Variants in RAP1GAP2 observed in about 807,000 individuals in gnomAD.
RAP1GAP2 encodes RAP1 GTPase activating protein 2, also known as rap1 GTPase-activating protein 2.
Under a neutral mutation model 95.0 loss-of-function variants are expected in RAP1GAP2, and 27 were observed. That is an observed-to-expected ratio of 0.28 (90% CI 0.21 to 0.39). The LOEUF (loss-of-function observed/expected upper bound fraction) is 0.39, where lower values mean the gene tolerates loss of function less well. Among genes scored for constraint, RAP1GAP2 ranks in the 10% least tolerant of loss-of-function variants. The pLI is 1.00. For synonymous variants in RAP1GAP2, 373 were observed against 380.9 expected, an observed-to-expected ratio of 0.98 and a Z score of 0.24; for missense variants, 771 against 970.0, an observed-to-expected ratio of 0.79 and a Z score of 2.72.
rs567884772 is a variant in RAP1GAP2 at position 3,037,339 on chromosome 17, A to G, written c.*3978A>G. 1 of 124,462 alleles carries G rather than the reference A, an allele frequency of 8.0e-6. No individual in the cohort carries two copies. The highest frequency in any genetic ancestry group is 2.6e-4 in the East Asian group (1 of 3,918). 7.7% of individuals were successfully genotyped at this position (124,462 alleles called of 1,614,324 possible). On this transcript the variant is annotated 3_prime_UTR_variant, in exon 25 of 25. Coordinates refer to ENST00000254695, the MANE Select transcript of RAP1GAP2 (RefSeq NM_015085.5). The stretch of plus-strand genomic sequence containing the variant: ...AATTGCCATCGTCTTTGATTTTGTG[A>G]CATTTCTGCTTGGAAGTGTGAACTA...
Position 2,787,066 on chromosome 17 carries a change from C to T in RAP1GAP2, c.-14+9788C>T, listed in dbSNP as rs146076117. On this transcript the variant is annotated intron_variant, in intron 1 of 24. Coordinates refer to the RAP1GAP2 transcript ENST00000540393. ...CCCGGGTTCAAGCCATTCTCCTGCC[C>T]CAGCCTCCCAAATAGCTGGGGTTAT... Among the ~76,000 whole-genome samples the T allele has an allele frequency of 3.3e-3, 500 of 151,686 alleles. 2 individuals are homozygous for T. Among genetic ancestry groups the T allele is most frequent in the African/African-American group, 0.011 (466 of 41,382 alleles).
chr17:2,953,705 G>T (rs186767824), intron 3 of RAP1GAP2, among the ~76,000 whole-genome samples: 79 of 152,112 alleles, frequency 5.2e-4, no homozygotes, highest in African/African-American at 1.7e-3. Context: ...AAATTAGCTG[G>T]GCATGGGGGC....
intron 2 of RAP1GAP2, among the ~76,000 whole-genome samples, chr17:2,890,697 T>G (rs1193797253): frequency 6.6e-6 from 1 of 150,610 alleles, no homozygotes; most frequent in Non-Finnish European, 1.5e-5. Flanking sequence ...TTTTTTTTTT[T>G]TTTTTGAGAC....
chr17:2,860,664 C>T (rs908205445), intron 2 of RAP1GAP2, among the ~76,000 whole-genome samples: 1 of 132,952 alleles, frequency 7.5e-6, no homozygotes, highest in Non-Finnish European at 1.5e-5. Flanking sequence ...AGTGCAGTGG[C>T]GCGATCTCAG....
At chr17:2,921,716 C>A (rs1234798652) in intron 3 of RAP1GAP2, among the ~76,000 whole-genome samples, 2 of 54,764 alleles carry the variant, frequency 3.7e-5, no homozygotes, top group Non-Finnish European at 6.2e-5. Flanking sequence ...TATGTGTCCA[C>A]AGGGCCGTTA....
At chr17:2,882,655 A>G (rs1260144237) in intron 2 of RAP1GAP2, among the ~76,000 whole-genome samples, 2 of 152,104 alleles carry the variant, frequency 1.3e-5, no homozygotes, top group Non-Finnish European at 2.9e-5. Flanking sequence ...TTGGCTTTTC[A>G]TTTCAGCATG....
rs545067010 is a variant in RAP1GAP2, at chr17:2,933,493, G to T, written c.166-24266G>T. Among the ~76,000 whole-genome samples the T allele has an allele frequency of 2.0e-5, 3 of 152,352 alleles. No homozygotes were observed. The South Asian group carries it at 6.2e-4, about 32-fold the overall frequency. ...CTTGGAGCGAAGCAGAGATTTTCCG[G>T]GAGGCCAACACCTCCCTTTTCTCCC... On this transcript the variant is annotated intron_variant, in intron 3 of 24. Coordinates refer to ENST00000254695, the MANE Select transcript of RAP1GAP2 (RefSeq NM_015085.5).
chr17:2,969,723 C>T (rs576042418), intron 8 of RAP1GAP2, among the ~76,000 whole-genome samples: 6 of 151,740 alleles, frequency 4.0e-5, no homozygotes, highest in South Asian at 2.1e-4. Flanking sequence ...AGGCTTGTCC[C>T]GAACTCCTGA....
intron 1 of RAP1GAP2, among the ~76,000 whole-genome samples, chr17:2,781,543 C>T (rs1007256947): frequency 1.3e-5 from 2 of 149,466 alleles, no homozygotes; most frequent in South Asian, 2.1e-4. Flanking sequence ...TGTGTGAGCA[C>T]GTCTCTGTGT....
intron 1 of RAP1GAP2, among the ~76,000 whole-genome samples, chr17:2,762,767 C>T (rs1001372898): frequency 1.3e-5 from 2 of 151,818 alleles, no homozygotes; most frequent in Non-Finnish European, 2.9e-5. Context: ...CACTGGGTCT[C>T]GTCACTTCAA....
At chr17:2,792,988 C>T (rs905323170), upstream of RAP1GAP2, among the ~76,000 whole-genome samples, 3 of 152,162 alleles carry the variant, frequency 2.0e-5, no homozygotes, top group East Asian at 1.9e-4. Context: ...ATGCGGCGGG[C>T]AGCTTTCACA....
intron 8 of RAP1GAP2, among the ~76,000 whole-genome samples, chr17:2,970,134 C>G (rs113342654): frequency 1.4e-4 from 21 of 151,758 alleles, no homozygotes; most frequent in African/African-American, 5.1e-4. Context: ...ATTAGCCGGG[C>G]GTGGTGACAT....
In RAP1GAP2 at chr17:2,991,326, T is replaced by C. The variant is rs2045743614; in HGVS notation, c.843T>C (p.Asn281=). 1 of 1,605,874 alleles carries C rather than the reference T, an allele frequency of 6.2e-7. No homozygotes were observed. Among genetic ancestry groups the C allele is most frequent in the African/African-American group, 1.3e-5 (1 of 74,782 alleles). The change falls in exon 12 of 25, where the codon AAT becomes AAC. Residue 281 remains asparagine, a synonymous_variant. Coordinates refer to ENST00000254695, the MANE Select transcript of RAP1GAP2 (RefSeq NM_015085.5). ...QTLEEELFGN[N]EESPAFKEFL... ...TGGAGGAGGAGCTATTTGGGAACAA[T>C]GAGGAGAGCCCAGCTTTTAAGGAGT...
At chr17:2,770,431 C>T (rs569633368) in exon 2 of RAP1GAP2, 4 of 398,746 alleles carry the variant, frequency 1.0e-5, no homozygotes, top group South Asian at 1.3e-4. Context: ...GGGCTGACCT[C>T]GAGTCTCCCT....
intron 1 of RAP1GAP2, among the ~76,000 whole-genome samples, chr17:2,779,928 C>T (rs2068600065): frequency 6.6e-6 from 1 of 151,396 alleles, no homozygotes; most frequent in Non-Finnish European, 1.5e-5. Context: ...GTGGTGGTAA[C>T]CAAATGGGAG....
intron 2 of RAP1GAP2, among the ~76,000 whole-genome samples, chr17:2,883,034 T>G (rs9890980): frequency 0.23 from 34,336 of 152,162 alleles, 4,039 homozygotes; most frequent in African/African-American, 0.29. Flanking sequence ...GGGCAGCCCC[T>G]CTTCTGAGGG....
At chr17:2,970,002 C>G (rs7215127) in intron 8 of RAP1GAP2, among the ~76,000 whole-genome samples, 28,148 of 151,642 alleles carry the variant, frequency 0.19, 3,037 homozygotes, top group East Asian at 0.34. Flanking sequence ...GGCCGGGCAT[C>G]GTGGTTCACG....
At chr17:2,781,907 G>C (rs961048937) in intron 1 of RAP1GAP2, among the ~76,000 whole-genome samples, 5 of 147,622 alleles carry the variant, frequency 3.4e-5, no homozygotes, top group East Asian at 2.0e-4. Flanking sequence ...TGTGTGTGCA[G>C]GTCTCTGTGT....
At position 2,817,016 on chromosome 17, in the gene RAP1GAP2, C is replaced by G. The variant is rs1317275718; in HGVS notation, c.80+16466C>G. 9.2e-5 allele frequency among the ~76,000 whole-genome samples: 6 copies of G among 65,030 alleles called. 1 individual carries two copies. The highest frequency in any genetic ancestry group is 5.7e-4 in the South Asian group (1 of 1,768). 42.7% of individuals were successfully genotyped at this position (65,030 alleles called of 152,430 possible). A position where few individuals can be genotyped will look rare whatever the true frequency, so the allele number is the denominator to read the frequency against. ...TTTTTTTTTTTTTTTGAGATGGGGTCTTGCTCTGTTGCCCAGGCTGGATTG... is the reference window on the plus strand; with the variant it reads ...TTTTTTTTTTTTTTTGAGATGGGGTGTTGCTCTGTTGCCCAGGCTGGATTG... On this transcript the variant is annotated intron_variant, in intron 2 of 24. Coordinates refer to ENST00000254695, the MANE Select transcript of RAP1GAP2 (RefSeq NM_015085.5).
Sources: gnomAD v4.1 joint callset for allele counts (sites outside exome capture counted in the v4.1 genomes callset) on GRCh38, gnomAD v4.1.1 for gene constraint, MANE v1.5 for transcripts, NCBI Gene and HGNC (gene_info 2026-07-23, HGNC 2026-07-21) for gene names.